Variants in DLGAP2 observed in about 807,000 individuals in gnomAD.
DLGAP2 encodes the protein disks large-associated protein 2.
A neutral mutation model predicts 100.3 loss-of-function variants in DLGAP2; 26 were observed. The observed-to-expected ratio is 0.26, with a 90% CI of 0.19 to 0.36. The LOEUF (loss-of-function observed/expected upper bound fraction) is 0.36. Ranked by LOEUF, DLGAP2 falls within the 10% of genes least tolerant of loss-of-function variation. DLGAP2 has a pLI of 1.00. For synonymous variants in DLGAP2, 886 were observed against 630.1 expected, an observed-to-expected ratio of 1.41 and a Z score of -6.08; for missense variants, 1,858 against 1,453.2, an observed-to-expected ratio of 1.28 and a Z score of -4.53.
In DLGAP2 at chr8:1,358,871, C is replaced by T. The variant is rs377078631; in HGVS notation, c.106+99988C>T. 6.3e-4 allele frequency among the ~76,000 whole-genome samples: 95 copies of T among 150,734 alleles called. 1 individual carries two copies. In the East Asian group the frequency reaches 0.015, roughly 24 times the overall value. On this transcript the variant is annotated intron_variant, in intron 3 of 14. Coordinates refer to ENST00000637795, the MANE Select transcript of DLGAP2 (RefSeq NM_001346810.2). ...CCTGCGGCAGGGCGTGGGCTGTCTG[C>T]CACACGAGGGTGAGGTCCAGAGACT...
chr8:1,282,448 A>G (rs1282411694), intron 3 of DLGAP2, among the ~76,000 whole-genome samples: 28 of 106,452 alleles, frequency 2.6e-4, no homozygotes, highest in South Asian at 1.9e-3. Flanking sequence ...TGTGACCTGA[A>G]CCCAGCACAT....
At chr8:1,480,626 G>C (rs1445547137) in intron 3 of DLGAP2, among the ~76,000 whole-genome samples, 1 of 150,104 alleles carries the variant, frequency 6.7e-6, no homozygotes, top group African/African-American at 2.4e-5. Context: ...GAGGCGGGCG[G>C]ATCACCTGAG....
chr8:1,500,449 G>A (rs925844890), intron 3 of DLGAP2, among the ~76,000 whole-genome samples: 99 of 150,158 alleles, frequency 6.6e-4, no homozygotes, highest in African/African-American at 2.2e-3. Flanking sequence ...CTGGAGAGTC[G>A]GCACCTGGTT....
At chr8:1,202,121 C>G (rs1006666453) in intron 2 of DLGAP2, among the ~76,000 whole-genome samples, 20 of 150,832 alleles carry the variant, frequency 1.3e-4, no homozygotes, top group African/African-American at 4.7e-4. Context: ...ATCTGTGTAT[C>G]TGTGTGTCTG....
At chr8:1,165,749 T>G (rs573655291) in intron 2 of DLGAP2, among the ~76,000 whole-genome samples, 1 of 152,366 alleles carries the variant, frequency 6.6e-6, no homozygotes, top group South Asian at 2.1e-4. Flanking sequence ...CTTTCAGTTT[T>G]TCTTAGGAAC....
At chr8:791,356 C>G (rs1008188685) in intron 1 of DLGAP2, among the ~76,000 whole-genome samples, 1 of 152,130 alleles carries the variant, frequency 6.6e-6, no homozygotes. Context: ...CTTCCCTCCT[C>G]CATGCCCCAG....
At chr8:1,522,713 A>G (rs932178384) in intron 4 of DLGAP2, among the ~76,000 whole-genome samples, 3 of 152,186 alleles carry the variant, frequency 2.0e-5, no homozygotes, top group African/African-American at 7.2e-5. Context: ...AGTTTTCAGG[A>G]TCAGGAGACG....
intron 3 of DLGAP2, among the ~76,000 whole-genome samples, chr8:1,359,202 C>A (rs1208617837): frequency 6.6e-6 from 1 of 152,196 alleles, no homozygotes; most frequent in African/African-American, 2.4e-5. Flanking sequence ...AGGACAGACA[C>A]CTCCTGGTAA....
intron 2 of DLGAP2, among the ~76,000 whole-genome samples, chr8:1,206,730 G>A (rs1042115566): frequency 5.3e-5 from 8 of 152,184 alleles, no homozygotes; most frequent in African/African-American, 7.2e-5. Flanking sequence ...CCTTAGCTGC[G>A]TCCTGGAGAA....
chr8:1,517,253 C>T (rs371537342), intron 4 of DLGAP2, among the ~76,000 whole-genome samples: 41 of 152,206 alleles, frequency 2.7e-4, no homozygotes, highest in East Asian at 2.3e-3. Context: ...GAAGTCAAGC[C>T]CTCTGTGGGG....
At chr8:1,084,978 C>G (rs370520566) in intron 2 of DLGAP2, among the ~76,000 whole-genome samples, 1 of 152,210 alleles carries the variant, frequency 6.6e-6, no homozygotes, top group East Asian at 1.9e-4. Context: ...AATTTACATT[C>G]CCACTAACAG....
intron 3 of DLGAP2, among the ~76,000 whole-genome samples, chr8:1,454,354 CG>C (rs1316549426): frequency 6.6e-6 from 1 of 151,182 alleles, no homozygotes; most frequent in African/African-American, 2.4e-5. Flanking sequence ...TCCTCTGTAA[CG>C]TTTTTTTTTT....
At chr8:1,000,133 C>T (rs376590217) in intron 2 of DLGAP2, among the ~76,000 whole-genome samples, 12 of 42,756 alleles carry the variant, frequency 2.8e-4, no homozygotes, top group Non-Finnish European at 4.7e-4. Flanking sequence ...TCCGGGTGGA[C>T]GTGGTTTTCT....
intron 8 of DLGAP2, among the ~76,000 whole-genome samples, chr8:1,652,808 G>A (rs71518082): frequency 0.16 from 24,655 of 151,580 alleles, 2,109 homozygotes; most frequent in South Asian, 0.33. Context: ...ACCAGCTGGC[G>A]AACCAAAATG....
At chr8:1,231,277 C>T (rs1311343976) in intron 2 of DLGAP2, among the ~76,000 whole-genome samples, 2 of 152,132 alleles carry the variant, frequency 1.3e-5, no homozygotes, top group African/African-American at 2.4e-5. Context: ...GTAAATCAAA[C>T]CACAATGAGA....
chr8:1,564,485 G>C (rs560257088), intron 5 of DLGAP2, among the ~76,000 whole-genome samples: 45 of 152,340 alleles, frequency 3.0e-4, no homozygotes, highest in African/African-American at 1.0e-3. Context: ...TTCTCGAACA[G>C]TCAGATACAC....
At chr8:1,452,380 C>G (rs537273652) in intron 3 of DLGAP2, among the ~76,000 whole-genome samples, 2 of 152,336 alleles carry the variant, frequency 1.3e-5, no homozygotes, top group East Asian at 3.9e-4. Flanking sequence ...CAGCCCTGAG[C>G]CGAGGCTATG....
intron 8 of DLGAP2, among the ~76,000 whole-genome samples, chr8:1,659,141 T>G (rs552802842): frequency 2.0e-5 from 3 of 152,344 alleles, no homozygotes; most frequent in African/African-American, 7.2e-5. Flanking sequence ...TTCCATGTAG[T>G]TGTGCGGTTT....
rs13280220 is a variant in DLGAP2 at position 978,600 on chromosome 8, G to C, written c.73+70634G>C. On this transcript the variant is annotated intron_variant, in intron 2 of 14. Transcript: ENST00000637795. Reference sequence around the variant, plus strand: ...GCGTCGGGGATGCAGTGAGGGGCTGGGTTCTGGTCTTTGGTGACGTGGGGA... The same window carrying C: ...GCGTCGGGGATGCAGTGAGGGGCTGCGTTCTGGTCTTTGGTGACGTGGGGA... Among the ~76,000 whole-genome samples, 81 of 71,586 alleles carry C rather than the reference G, an allele frequency of 1.1e-3. 1 individual carries two copies. The highest frequency in any genetic ancestry group is 2.0e-3 in the East Asian group (6 of 2,974). 47.0% of individuals were successfully genotyped at this position (71,586 alleles called of 152,430 possible).
Sources: gnomAD v4.1 joint callset for allele counts (sites outside exome capture counted in the v4.1 genomes callset) on GRCh38, gnomAD v4.1.1 for gene constraint, MANE v1.5 for transcripts, NCBI Gene and HGNC (gene_info 2026-07-23, HGNC 2026-07-21) for gene names.